The following TRIM14 variants were observed in gnomAD, a reference collection of about 807,000 sequenced individuals.
The protein encoded by TRIM14 is tripartite motif containing 14.
A neutral mutation model predicts 44.5 loss-of-function variants in TRIM14; 28 were observed. The observed-to-expected ratio is 0.63, with a 90% CI of 0.47 to 0.86. The LOEUF (loss-of-function observed/expected upper bound fraction) is 0.86. Among genes scored for constraint, TRIM14 ranks in the 40% least tolerant of loss-of-function variants. The pLI is 0.00. For missense variants in TRIM14, 607 were observed against 611.1 expected (o/e 0.99, Z 0.07); for synonymous variants, 299 against 269.2 (o/e 1.11, Z -1.08).
Position 98,100,304 on chromosome 9 carries a change from C to A in TRIM14, c.304-140G>T. The stretch of plus-strand genomic sequence containing the variant: ...AGACACAAGATCAACTTATAAAAAC[C>A]AAAGCTTTCCTAAGCACCAGCCCAT... On this transcript the variant is annotated intron_variant, in intron 2 of 5. Transcript: ENST00000341469. The A allele has an allele frequency of 1.4e-6, 1 of 699,664 alleles. No individual in the cohort carries two copies. The highest frequency in any genetic ancestry group is 2.4e-6 in the Non-Finnish European group (1 of 417,148). The allele number at this position is 699,664 out of a possible 1,614,324, so 43.3% of individuals were successfully genotyped here. A position where few individuals can be genotyped will look rare whatever the true frequency, so the allele number is the denominator to read the frequency against.
At chr9:98,043,968 C>T in the TRIM14 span, among the ~76,000 whole-genome samples, 7 of 149,364 alleles carry the variant, frequency 4.7e-5, no homozygotes, top group East Asian at 1.4e-3. Context: ...AGGGGTTACT[C>T]TTCTTGTTTT....
At chr9:98,069,589 G>A (rs1358224177) in exon 7 of TRIM14, 1 of 152,278 alleles carries the variant, frequency 6.6e-6, no homozygotes, top group African/African-American at 2.4e-5. Context: ...AACTATTGAT[G>A]CGTGCAGCAG....
chr9:98,082,927 G>A (rs1395963161), downstream of TRIM14: 4 of 1,614,092 alleles, frequency 2.5e-6, no homozygotes, highest in African/African-American at 5.3e-5. Context: ...GAAGGTGGGT[G>A]AGCCCAAAGG....
At position 98,110,303 on chromosome 9, in the gene TRIM14, G is replaced by A. The variant is rs186046122; in HGVS notation, c.208-319C>T. ...GTGGGACTTTAAGGCAAACAGCTTG[G>A]GGTCTGGGAAAGAACATCTACTTAT... On this transcript the variant is annotated intron_variant, in intron 1 of 5. Coordinates refer to ENST00000341469, the MANE Select transcript of TRIM14 (RefSeq NM_014788.4). 112 of 343,216 alleles carry A rather than the reference G, an allele frequency of 3.3e-4. 2 individuals carry two copies. The highest frequency in any genetic ancestry group is 2.8e-4 in the Non-Finnish European group (50 of 181,136). The allele number at this position is 343,216 out of a possible 1,614,324, so 21.3% of individuals were successfully genotyped here.
intron 2 of TRIM14, among the ~76,000 whole-genome samples, chr9:98,102,020 A>AT (rs1228689470): frequency 2.0e-5 from 3 of 151,850 alleles, no homozygotes; most frequent in Admixed American, 6.6e-5. Flanking sequence ...AAAAAAAAAA[A>AT]AAAAAGAAAA....
At chr9:98,065,385 C>T (rs185716175), downstream of TRIM14, among the ~76,000 whole-genome samples, 1,007 of 139,082 alleles carry the variant, frequency 7.2e-3, 4 homozygotes, top group Non-Finnish European at 0.011. Flanking sequence ...GGTGCAATCT[C>T]GGCTCACTGC....
chr9:98,059,743 T>A, the TRIM14 span, among the ~76,000 whole-genome samples: 1 of 152,008 alleles, frequency 6.6e-6, no homozygotes, highest in South Asian at 2.1e-4. Context: ...TTTTTTTTTT[T>A]ATAGTCAAAC....
chr9:98,040,969 A>G, the TRIM14 span, among the ~76,000 whole-genome samples: 5 of 151,404 alleles, frequency 3.3e-5, no homozygotes, highest in African/African-American at 1.2e-4. Context: ...TTTTATTTTT[A>G]GTACAGACAG....
chr9:98,075,468 GAGGA>G (rs1475349838), intron 6 of TRIM14: 7 of 144,450 alleles, frequency 4.8e-5, no homozygotes, highest in Admixed American at 3.5e-4. Flanking sequence ...GGGAGGGAGG[GAGGA>G]AGGAAGGGAG....
At chr9:98,088,983 C>T (rs765049630) in intron 5 of TRIM14, among the ~76,000 whole-genome samples, 17 of 151,920 alleles carry the variant, frequency 1.1e-4, no homozygotes, top group Non-Finnish European at 2.2e-4. Context: ...CTTTCATAAA[C>T]AAGGCCAAAC....
intron 1 of TRIM14, among the ~76,000 whole-genome samples, chr9:98,111,186 T>C (rs867410782): frequency 1.3e-5 from 2 of 152,120 alleles, no homozygotes; most frequent in South Asian, 2.1e-4. Flanking sequence ...AGATGTTTGG[T>C]GAATGATGGA....
At chr9:98,077,213 T>C (rs1358217093) in intron 6 of TRIM14, among the ~76,000 whole-genome samples, 1 of 152,078 alleles carries the variant, frequency 6.6e-6, no homozygotes, top group African/African-American at 2.4e-5. Flanking sequence ...TCCTCCCATC[T>C]CGACCTCCCA....
chr9:98,119,145 T>C lies in TRIM14; in HGVS notation c.44A>G (p.Glu15Gly), dbSNP rs775328114. 2 of 1,585,306 alleles carry C rather than the reference T, an allele frequency of 1.3e-6. No homozygotes were observed. Among genetic ancestry groups the C allele is most frequent in the South Asian group, 1.1e-5 (1 of 89,192 alleles). Residue 15 changes from glutamate to glycine, a missense_variant, in exon 1 of 6, where the codon GAG (glutamate) becomes GGG (glycine). Around this residue, in one of 3 missense-constraint regions of TRIM14, gnomAD observed 246 missense variants for 270.8 expected, o/e 0.91. Coordinates refer to ENST00000341469, the MANE Select transcript of TRIM14 (RefSeq NM_014788.4). ...ATGSRTPGRS[E>G]LVEGCGWRCP... ...GCGCCAGCCGCATCCCTCGACAAGC[T>C]CCGACCTCCCAGGGGTCCGGCTCCC...
intron 6 of TRIM14, chr9:98,078,125 G>C: frequency 6.3e-7 from 1 of 1,599,132 alleles, no homozygotes; most frequent in South Asian, 1.1e-5. Context: ...CCAGCAGTTG[G>C]GATGTGTTGG....
intron 4 of TRIM14, 35 bp from the exon 5 acceptor site, chr9:98,092,036 C>T: frequency 6.6e-7 from 1 of 1,517,982 alleles, no homozygotes; most frequent in East Asian, 2.3e-5. Flanking sequence ...GCGCCCGGAG[C>T]TTATGCAAGC....
At chr9:98,068,976 T>TGGGACATA (rs1829232340), downstream of TRIM14, among the ~76,000 whole-genome samples, 1 of 152,216 alleles carries the variant, frequency 6.6e-6, no homozygotes. Context: ...TAAACAGCTT[T>TGGGACATA]ATTGGGACAT....
chr9:98,073,431 C>G (rs892038897), intron 6 of TRIM14, among the ~76,000 whole-genome samples: 4 of 151,652 alleles, frequency 2.6e-5, no homozygotes, highest in South Asian at 2.1e-4. Context: ...ATTACAGACA[C>G]ACACCAACAC....
chr9:98,114,130 T>C (rs1380788927), intron 1 of TRIM14, among the ~76,000 whole-genome samples: 1 of 152,224 alleles, frequency 6.6e-6, no homozygotes, highest in African/African-American at 2.4e-5. Flanking sequence ...TTAACTTTCT[T>C]TGAGTTATAT....
At chr9:98,100,629 GC>G (rs1564182031) in intron 2 of TRIM14, among the ~76,000 whole-genome samples, 1 of 152,106 alleles carries the variant, frequency 6.6e-6, no homozygotes, top group East Asian at 1.9e-4. Flanking sequence ...TGCCTTATCT[GC>G]CTTATCTGAT....
Sources: gnomAD v4.1 joint callset for allele counts (sites outside exome capture counted in the v4.1 genomes callset) on GRCh38, gnomAD v4.1.1 for gene constraint, gnomAD v4.1.1 regional missense constraint, MANE v1.5 for transcripts, NCBI Gene and HGNC (gene_info 2026-07-23, HGNC 2026-07-21) for gene names.